Variants in RIMS2 observed in about 807,000 individuals in gnomAD.
The protein encoded by RIMS2 is regulating synaptic membrane exocytosis 2.
Under a neutral mutation model 174.4 loss-of-function variants are expected in RIMS2, and 59 were observed. The ratio of observed to expected loss-of-function variants is 0.34; its 90% CI spans 0.27 to 0.42. The LOEUF (loss-of-function observed/expected upper bound fraction) is 0.42. Among genes scored for constraint, RIMS2 ranks in the 10% least tolerant of loss-of-function variants. RIMS2 has a pLI of 1.00. For synonymous variants in RIMS2, 606 were observed against 572.5 expected (o/e 1.06, Z -0.84); for missense variants, 1,620 against 1,666.3 (o/e 0.97, Z 0.48).
At chr8:103,645,423 A>G (rs1437883625) in intron 1 of RIMS2, among the ~76,000 whole-genome samples, 1 of 152,132 alleles carries the variant, frequency 6.6e-6, no homozygotes, top group Non-Finnish European at 1.5e-5. Flanking sequence ...ATTTATTACT[A>G]TATCATTAAA....
intron 19 of RIMS2, chr8:104,094,589 G>T: frequency 1.4e-6 from 1 of 702,104 alleles, no homozygotes; most frequent in South Asian, 1.5e-5. Flanking sequence ...AAGGGAAAGA[G>T]ATTGCCAAAA....
chr8:104,131,854 G>T (rs750597530), intron 19 of RIMS2, among the ~76,000 whole-genome samples: 2 of 152,122 alleles, frequency 1.3e-5, no homozygotes, highest in Non-Finnish European at 2.9e-5. Context: ...ATGTAAACTG[G>T]ATTGATTTAA....
At chr8:103,619,802 A>C (rs1292228039) in intron 1 of RIMS2, among the ~76,000 whole-genome samples, 2 of 152,152 alleles carry the variant, frequency 1.3e-5, no homozygotes, top group East Asian at 3.9e-4. Context: ...TTTAATCCGC[A>C]TTTTGGCTAC....
chr8:104,098,104 GTC>G (rs1470051672), intron 19 of RIMS2, among the ~76,000 whole-genome samples: 2 of 152,096 alleles, frequency 1.3e-5, no homozygotes, highest in African/African-American at 4.8e-5. Flanking sequence ...CATTTAGTAA[GTC>G]TACTGAATGT....
chr8:104,250,751 T>A (rs2099356378), intron 22 of RIMS2, among the ~76,000 whole-genome samples: 1 of 152,200 alleles, frequency 6.6e-6, no homozygotes, highest in East Asian at 1.9e-4. Flanking sequence ...CTGGAAGCAT[T>A]TCCCTTTATT....
chr8:104,238,268 G>C lies in RIMS2; in HGVS notation c.3335-6648G>C, dbSNP rs1035416061. On this transcript the variant is annotated intron_variant, in intron 19 of 23. Transcript: ENST00000504942. ...AACAATGAGAACACAGGGACACAGG[G>C]AGGGGAACATCACACACTGGGGCCT... Among the ~76,000 whole-genome samples, 12 of 152,108 alleles carry C rather than the reference G, an allele frequency of 7.9e-5. 1 individual carries two copies. Among genetic ancestry groups the C allele is most frequent in the African/African-American group, 2.9e-4 (12 of 41,492 alleles).
At chr8:103,738,134 A>G (rs1428423992) in intron 2 of RIMS2, among the ~76,000 whole-genome samples, 1 of 152,190 alleles carries the variant, frequency 6.6e-6, no homozygotes, top group East Asian at 1.9e-4. Context: ...ATTGAATGAA[A>G]TAGATATTTC....
chr8:103,909,191 C>G (rs1313718373), intron 4 of RIMS2, among the ~76,000 whole-genome samples: 2 of 151,984 alleles, frequency 1.3e-5, no homozygotes, highest in South Asian at 2.1e-4. Context: ...ATTGTTTTAC[C>G]CTTTCAAGTA....
At chr8:103,535,467 A>T (rs1356425122) in intron 1 of RIMS2, among the ~76,000 whole-genome samples, 1 of 152,198 alleles carries the variant, frequency 6.6e-6, no homozygotes, top group Non-Finnish European at 1.5e-5. Flanking sequence ...CAGGATTTTA[A>T]TACTGTAATG....
chr8:104,178,760 T>TAAA (rs542669722), intron 19 of RIMS2, among the ~76,000 whole-genome samples: 287 of 152,256 alleles, frequency 1.9e-3, no homozygotes, highest in African/African-American at 6.4e-3. Context: ...CTGTTCCAAT[T>TAAA]TTTCTACTAC....
chr8:103,613,128 G>T (rs745889378), intron 1 of RIMS2, among the ~76,000 whole-genome samples: 1 of 152,198 alleles, frequency 6.6e-6, no homozygotes, highest in Non-Finnish European at 1.5e-5. Flanking sequence ...TTCCTTCAGG[G>T]TGGTGCATTT....
chr8:104,006,800 A>G lies in RIMS2; in HGVS notation c.3045-6642A>G, dbSNP rs546966973. 2.4e-4 allele frequency among the ~76,000 whole-genome samples: 37 copies of G among 151,468 alleles called. No homozygotes were observed. In the South Asian group the frequency reaches 4.2e-3, roughly 17 times the overall value. On this transcript the variant is annotated intron_variant, in intron 17 of 23. Coordinates refer to ENST00000504942, the Ensembl canonical transcript of RIMS2. ...CTACCTCCAGTGCTTTACTGATAAT[A>G]TATATATATATTTGGGTTTGGGTTT...
At chr8:103,989,447 C>A (rs759232275) in intron 17 of RIMS2, 26 bp downstream of exon 19, 4 of 1,163,996 alleles carry the variant, frequency 3.4e-6, no homozygotes, top group Non-Finnish European at 5.1e-6. Context: ...TACTATTAGA[C>A]CTTATTATTA....
chr8:103,602,832 G>A (rs2094826967), intron 1 of RIMS2, among the ~76,000 whole-genome samples: 1 of 152,134 alleles, frequency 6.6e-6, no homozygotes, highest in Admixed American at 6.5e-5. Flanking sequence ...TCATTAATGG[G>A]ATTGCTGGGT....
intron 4 of RIMS2, among the ~76,000 whole-genome samples, chr8:103,892,865 G>A (rs1313707856): frequency 3.3e-5 from 5 of 152,094 alleles, no homozygotes; most frequent in African/African-American, 1.2e-4. Context: ...AGTAGAGGAT[G>A]CCTAGATTTT....
intron 19 of RIMS2, among the ~76,000 whole-genome samples, chr8:104,065,659 A>G (rs1462227402): frequency 2.6e-5 from 4 of 152,122 alleles, no homozygotes; most frequent in African/African-American, 9.7e-5. Flanking sequence ...TGTTTGTCCC[A>G]AGGGTTATTC....
At chr8:104,055,810 A>G (rs2096858969) in intron 19 of RIMS2, among the ~76,000 whole-genome samples, 1 of 152,176 alleles carries the variant, frequency 6.6e-6, no homozygotes, top group African/African-American at 2.4e-5. Context: ...CAAAGTTCCT[A>G]GTTTAATGAA....
chr8:103,930,510 G>A (rs894460136), intron 11 of RIMS2, among the ~76,000 whole-genome samples: 5 of 152,096 alleles, frequency 3.3e-5, no homozygotes, highest in African/African-American at 1.2e-4. Context: ...TGAGGTATGT[G>A]TGTGGGAGGT....
intron 1 of RIMS2, among the ~76,000 whole-genome samples, chr8:103,504,957 T>G (rs532802638): frequency 6.6e-6 from 1 of 151,258 alleles, no homozygotes; most frequent in Non-Finnish European, 1.5e-5. Flanking sequence ...GCTCAAGCGA[T>G]TCTCTCACCT....
Sources: gnomAD v4.1 joint callset for allele counts (sites outside exome capture counted in the v4.1 genomes callset) on GRCh38, gnomAD v4.1.1 for gene constraint, MANE v1.5 for transcripts, NCBI Gene and HGNC (gene_info 2026-07-23, HGNC 2026-07-21) for gene names.